MEIS1: variants seen among roughly 807,000 people sequenced by gnomAD.
MEIS1 encodes homeobox protein Meis1.
Under a neutral mutation model 50.8 loss-of-function variants are expected in MEIS1, and 5 were observed. The observed-to-expected ratio is 0.10, with a 90% CI of 0.05 to 0.21. The LOEUF (loss-of-function observed/expected upper bound fraction) is 0.21, where lower values mean the gene tolerates loss of function less well. MEIS1 is among the 10% of genes least tolerant of loss of function. MEIS1 has a pLI of 1.00. For missense variants in MEIS1, 318 were observed against 517.3 expected (o/e 0.61, Z 3.74); for synonymous variants, 176 against 179.3 (o/e 0.98, Z 0.15).
At chr2:66,468,241 G>A (rs1291204169) in intron 7 of MEIS1, among the ~76,000 whole-genome samples, 1 of 152,108 alleles carries the variant, frequency 6.6e-6, no homozygotes, top group African/African-American at 2.4e-5. Flanking sequence ...CATAATCAGA[G>A]CCTACTCTAG....
At chr2:66,484,707 C>A (rs1673096950) in intron 7 of MEIS1, among the ~76,000 whole-genome samples, 1 of 151,458 alleles carries the variant, frequency 6.6e-6, no homozygotes, top group Non-Finnish European at 1.5e-5. Context: ...TATAGGAATG[C>A]ACCACCACAC....
At chr2:66,475,220 A>AT (rs755412350) in intron 7 of MEIS1, among the ~76,000 whole-genome samples, 3 of 118,792 alleles carry the variant, frequency 2.5e-5, no homozygotes, top group African/African-American at 1.6e-4. Flanking sequence ...ATAAATATGT[A>AT]TATTTATAAA....
rs377688780 is a variant in MEIS1 at position 66,568,633 on chromosome 2, T to C, written c.1025-34T>C. On this transcript the variant is annotated intron_variant, in intron 10 of 12. Transcript: ENST00000272369. ...GGCTATTTCTTTTGCTCTCAGAGAC[T>C]GTTATTAAAAAACCACATTCTGTAC... 2.0e-6 allele frequency: 3 copies of C among 1,534,384 alleles called. No individual in the cohort carries two copies. In the Admixed American group the frequency reaches 5.0e-5, roughly 26 times the overall value.
chr2:66,466,130 C>T (rs985103596), intron 7 of MEIS1, among the ~76,000 whole-genome samples: 2 of 152,002 alleles, frequency 1.3e-5, no homozygotes, highest in Non-Finnish European at 2.9e-5. Flanking sequence ...TGGGTCTATC[C>T]CCACTTGACA....
At chr2:66,471,287 G>A (rs1027625352) in intron 7 of MEIS1, among the ~76,000 whole-genome samples, 2 of 152,122 alleles carry the variant, frequency 1.3e-5, no homozygotes, top group Admixed American at 1.3e-4. Flanking sequence ...TGAATTCATG[G>A]TCTGGATTTC....
At chr2:66,439,503 G>C in intron 2 of MEIS1, 1 of 1,467,722 alleles carries the variant, frequency 6.8e-7, no homozygotes, top group South Asian at 1.4e-5. Context: ...CAGTGGAGGG[G>C]ACGAGGGCTT....
At chr2:66,549,458 T>C (rs995442258) in intron 9 of MEIS1, among the ~76,000 whole-genome samples, 6 of 152,134 alleles carry the variant, frequency 3.9e-5, no homozygotes, top group Non-Finnish European at 8.8e-5. Flanking sequence ...AGGCTGTTAA[T>C]ACTACATATT....
intron 7 of MEIS1, among the ~76,000 whole-genome samples, chr2:66,480,544 A>G (rs1357650924): frequency 2.0e-5 from 3 of 152,216 alleles, no homozygotes; most frequent in African/African-American, 7.2e-5. Flanking sequence ...TTATTTAATA[A>G]TGCAGAATAT....
chr2:66,502,855 T>G (rs562536187), intron 7 of MEIS1, among the ~76,000 whole-genome samples: 1 of 152,238 alleles, frequency 6.6e-6, no homozygotes, highest in African/African-American at 2.4e-5. Context: ...ATTCTTATAC[T>G]TTCTTCCTGC....
At chr2:66,483,022 C>T (rs1341388532) in intron 7 of MEIS1, among the ~76,000 whole-genome samples, 1 of 152,094 alleles carries the variant, frequency 6.6e-6, no homozygotes, top group African/African-American at 2.4e-5. Context: ...AGTATTAGTA[C>T]CTACTTATAG....
intron 7 of MEIS1, among the ~76,000 whole-genome samples, chr2:66,472,370 C>T (rs1217011110): frequency 6.6e-6 from 1 of 152,176 alleles, no homozygotes. Context: ...AAAATATTAT[C>T]ATGAGTTGTG....
chr2:66,497,400 T>C (rs1673433029), intron 7 of MEIS1, among the ~76,000 whole-genome samples: 1 of 152,182 alleles, frequency 6.6e-6, no homozygotes, highest in African/African-American at 2.4e-5. Context: ...TCAATGCCAA[T>C]CTCAGTTTCT....
At chr2:66,494,791 TAGA>T (rs1423948365) in intron 7 of MEIS1, among the ~76,000 whole-genome samples, 1 of 152,092 alleles carries the variant, frequency 6.6e-6, no homozygotes, top group Non-Finnish European at 1.5e-5. Context: ...TCTTTGTGGG[TAGA>T]AGAAGGAAGG....
chr2:66,548,206 G>A (rs1022195840), intron 9 of MEIS1, among the ~76,000 whole-genome samples, 187 bp downstream of exon 9: 1 of 152,136 alleles, frequency 6.6e-6, no homozygotes, highest in African/African-American at 2.4e-5. Flanking sequence ...ATAAAACATT[G>A]TATTGTCTTC....
chr2:66,496,670 G>A (rs776938256), intron 7 of MEIS1, among the ~76,000 whole-genome samples: 3 of 152,146 alleles, frequency 2.0e-5, no homozygotes, highest in Non-Finnish European at 2.9e-5. Flanking sequence ...GCAGGAAGGG[G>A]CTTCTCTCAG....
chr2:66,499,619 C>A (rs1042969212), intron 7 of MEIS1, among the ~76,000 whole-genome samples: 3 of 151,288 alleles, frequency 2.0e-5, no homozygotes, highest in Non-Finnish European at 2.9e-5. Flanking sequence ...ACCCATGTAG[C>A]CGAATCATAG....
rs374905936 is a variant in MEIS1 at position 66,557,439 on chromosome 2, G to A, written c.965+9420G>A. Among the ~76,000 whole-genome samples, 22 of 152,084 alleles carry A rather than the reference G, an allele frequency of 1.4e-4. No homozygotes were observed. The East Asian group carries it at 1.7e-3, about 12-fold the overall frequency. On this transcript the variant is annotated intron_variant, in intron 9 of 12. Coordinates refer to ENST00000272369, the MANE Select transcript of MEIS1 (RefSeq NM_002398.3). ...AGCTATTGCCCCTCTTTATACTTCCGTCTCTCTCTCCAACAGCTCCTGGCA... is the reference window on the plus strand; with the variant it reads ...AGCTATTGCCCCTCTTTATACTTCCATCTCTCTCTCCAACAGCTCCTGGCA...
chr2:66,460,979 C>G (rs536306671), intron 6 of MEIS1, among the ~76,000 whole-genome samples: 2 of 152,184 alleles, frequency 1.3e-5, no homozygotes, highest in South Asian at 4.1e-4. Context: ...GTTAAGACCT[C>G]TTGTCTTACT....
intron 7 of MEIS1, among the ~76,000 whole-genome samples, chr2:66,477,693 C>G (rs999210097): frequency 6.6e-6 from 1 of 152,162 alleles, no homozygotes. Flanking sequence ...AGGTGACTTC[C>G]CCCTTTGCTT....
Sources: gnomAD v4.1 joint callset for allele counts (sites outside exome capture counted in the v4.1 genomes callset) on GRCh38, gnomAD v4.1.1 for gene constraint, MANE v1.5 for transcripts, NCBI Gene and HGNC (gene_info 2026-07-23, HGNC 2026-07-21) for gene names.